The following KCNQ3 variants were observed in gnomAD, a reference collection of about 807,000 sequenced individuals.
KCNQ3 encodes the protein potassium voltage-gated channel subfamily KQT member 3.
KCNQ3 carries 30 observed loss-of-function variants against 92.5 expected under a neutral mutation model. The ratio of observed to expected loss-of-function variants is 0.32; its 90% CI spans 0.24 to 0.44. The LOEUF (loss-of-function observed/expected upper bound fraction) is 0.44, where lower values mean the gene tolerates loss of function less well. KCNQ3 is among the 20% of genes least tolerant of loss of function. KCNQ3 has a pLI of 1.00. For missense variants in KCNQ3, 913 were observed against 1,140.3 expected (o/e 0.80, Z 2.87); for synonymous variants, 450 against 468.8 (o/e 0.96, Z 0.52).
At chr8:132,357,007 T>TAACAACAACAACAACAAC (rs111426424) in intron 1 of KCNQ3, among the ~76,000 whole-genome samples, 101 of 150,448 alleles carry the variant, frequency 6.7e-4, no homozygotes, top group African/African-American at 2.4e-3. Flanking sequence ...ACTATTTTAT[T>TAACAACAACAACAACAAC]AACAACAACA....
chr8:132,362,789 G>T (rs2130725340), intron 1 of KCNQ3, among the ~76,000 whole-genome samples: 1 of 152,306 alleles, frequency 6.6e-6, no homozygotes, highest in East Asian at 1.9e-4. Flanking sequence ...AGGCAAGGAA[G>T]AGTCACAGCT....
rs188826306 is a variant in KCNQ3 at position 132,324,530 on chromosome 8, C to T, written c.387-138349G>A. Among the ~76,000 whole-genome samples, 473 of 152,254 alleles carry T rather than the reference C, an allele frequency of 3.1e-3. 10 individuals are homozygous for T. Among genetic ancestry groups the T allele is most frequent in the Non-Finnish European group, 3.0e-3 (202 of 68,012 alleles). On this transcript the variant is annotated intron_variant, in intron 1 of 14. Coordinates refer to ENST00000388996, the MANE Select transcript of KCNQ3 (RefSeq NM_004519.4). ...CCCTTTCTTTACCCCAGTAACTTGT[C>T]TCTAAAAAAGAACCAGAAGAAAAGG...
intron 1 of KCNQ3, among the ~76,000 whole-genome samples, chr8:132,338,346 G>A (rs1818424852): frequency 6.6e-6 from 1 of 152,160 alleles, no homozygotes; most frequent in South Asian, 2.1e-4. Context: ...AGACCCAGGA[G>A]TCCAACCATT....
chr8:132,391,679 C>T (rs1289783677), intron 1 of KCNQ3, among the ~76,000 whole-genome samples: 1 of 152,162 alleles, frequency 6.6e-6, no homozygotes, highest in Non-Finnish European at 1.5e-5. Flanking sequence ...AGAGAGAAAA[C>T]ATCTTCCCCC....
At chr8:132,210,320 G>A (rs1278141960) in intron 1 of KCNQ3, among the ~76,000 whole-genome samples, 2 of 152,174 alleles carry the variant, frequency 1.3e-5, no homozygotes, top group African/African-American at 4.8e-5. Flanking sequence ...GTCTCTTGCT[G>A]GTCACCTGTC....
At chr8:132,207,869 C>A in intron 1 of KCNQ3, among the ~76,000 whole-genome samples, 1 of 144,958 alleles carries the variant, frequency 6.9e-6, no homozygotes, top group East Asian at 2.0e-4. Flanking sequence ...TTTTGGAAAT[C>A]TCATTAGAAT....
At chr8:132,394,464 G>T (rs1401760359) in intron 1 of KCNQ3, among the ~76,000 whole-genome samples, 1 of 151,896 alleles carries the variant, frequency 6.6e-6, no homozygotes, top group Non-Finnish European at 1.5e-5. Flanking sequence ...AATTTTTTTT[G>T]AAAAACTAAA....
chr8:132,351,822 T>A (rs889800147), intron 1 of KCNQ3, among the ~76,000 whole-genome samples: 10 of 152,150 alleles, frequency 6.6e-5, no homozygotes, highest in African/African-American at 2.4e-4. Context: ...GATAAGACAA[T>A]CACTTTGGGT....
At chr8:132,171,339 A>C (rs17575663) in intron 7 of KCNQ3, among the ~76,000 whole-genome samples, 7,774 of 152,202 alleles carry the variant, frequency 0.051, 313 homozygotes, top group Non-Finnish European at 0.074. Flanking sequence ...CACTCACTAC[A>C]ACTGGAGAAA....
chr8:132,135,029 T>A (rs1334565093), intron 12 of KCNQ3, among the ~76,000 whole-genome samples: 1 of 152,206 alleles, frequency 6.6e-6, no homozygotes, highest in Non-Finnish European at 1.5e-5. Flanking sequence ...TGAAAGTTTG[T>A]TACATAGGTA....
At chr8:132,465,645 G>A (rs1822155004) in intron 1 of KCNQ3, among the ~76,000 whole-genome samples, 1 of 152,228 alleles carries the variant, frequency 6.6e-6, no homozygotes, top group South Asian at 2.1e-4. Context: ...TCGGCAGGCT[G>A]AGGCAGGAGA....
chr8:132,230,433 C>CAGAG (rs371769857), intron 1 of KCNQ3, among the ~76,000 whole-genome samples: 1 of 131,084 alleles, frequency 7.6e-6, no homozygotes, highest in Non-Finnish European at 1.6e-5. Flanking sequence ...CCACCACAGG[C>CAGAG]AGAGAGAGAG....
intron 1 of KCNQ3, among the ~76,000 whole-genome samples, chr8:132,215,117 G>T (rs547556462): frequency 2.6e-5 from 4 of 152,356 alleles, no homozygotes; most frequent in African/African-American, 9.6e-5. Context: ...CGGGCAGCTT[G>T]TAGCTGCAGC....
intron 1 of KCNQ3, among the ~76,000 whole-genome samples, chr8:132,207,149 G>C (rs1563804687): frequency 1.3e-5 from 2 of 152,114 alleles, no homozygotes; most frequent in Non-Finnish European, 2.9e-5. Flanking sequence ...TTTTCTTTAA[G>C]ACCAACTCTT....
At chr8:132,370,133 T>C (rs1051208145) in intron 1 of KCNQ3, among the ~76,000 whole-genome samples, 2 of 152,184 alleles carry the variant, frequency 1.3e-5, no homozygotes, top group Admixed American at 1.3e-4. Context: ...CAACGGCTGT[T>C]ACCTCCAGTT....
chr8:132,159,967 G>A (rs1444145515), intron 9 of KCNQ3, among the ~76,000 whole-genome samples: 1 of 152,202 alleles, frequency 6.6e-6, no homozygotes, highest in Non-Finnish European at 1.5e-5. Flanking sequence ...TGTGTCAGGT[G>A]TAGGAGATAA....
In KCNQ3 at chr8:132,411,680, C is replaced by A. The variant is rs148073941; in HGVS notation, c.386+68467G>T. On this transcript the variant is annotated intron_variant, in intron 1 of 14. Coordinates refer to ENST00000388996, the MANE Select transcript of KCNQ3 (RefSeq NM_004519.4). ...CACACAAGGCCTCCTCCTGTCTCCACCTCCCTCCTTTTCCATGCTCCCACC... is the reference window on the plus strand; with the variant it reads ...CACACAAGGCCTCCTCCTGTCTCCAACTCCCTCCTTTTCCATGCTCCCACC... Among the ~76,000 whole-genome samples, 806 of 152,268 alleles carry A rather than the reference C, an allele frequency of 5.3e-3. 10 individuals carry two copies. The highest frequency in any genetic ancestry group is 0.018 in the African/African-American group (767 of 41,542).
At chr8:132,148,904 C>A (rs1431107243) in intron 9 of KCNQ3, among the ~76,000 whole-genome samples, 1 of 152,178 alleles carries the variant, frequency 6.6e-6, no homozygotes, top group African/African-American at 2.4e-5. Context: ...TTGCGGACAG[C>A]AGATTGTGAG....
At chr8:132,391,880 G>A (rs984888144) in intron 1 of KCNQ3, among the ~76,000 whole-genome samples, 11 of 152,174 alleles carry the variant, frequency 7.2e-5, no homozygotes, top group African/African-American at 2.2e-4. Context: ...CTGCACTGGC[G>A]AGGGTGGGTA....
Sources: gnomAD v4.1 joint callset for allele counts (sites outside exome capture counted in the v4.1 genomes callset) on GRCh38, gnomAD v4.1.1 for gene constraint, MANE v1.5 for transcripts, NCBI Gene and HGNC (gene_info 2026-07-23, HGNC 2026-07-21) for gene names.